NOL8: variants seen among roughly 807,000 people sequenced by gnomAD.
The protein encoded by NOL8 is nucleolar protein 8, also known as nucleolar protein Nop132.
A neutral mutation model predicts 116.1 loss-of-function variants in NOL8; 93 were observed. The ratio of observed to expected loss-of-function variants is 0.80; its 90% CI spans 0.68 to 0.95. The LOEUF (loss-of-function observed/expected upper bound fraction) is 0.95. Ranked by LOEUF, NOL8 falls within the 40% of genes least tolerant of loss-of-function variation. The pLI, the probability that NOL8 is intolerant of heterozygous loss-of-function variation, is 0.00. For synonymous variants in NOL8, 419 were observed against 469.0 expected, an observed-to-expected ratio of 0.89 and a Z score of 1.38; for missense variants, 1,291 against 1,382.8, an observed-to-expected ratio of 0.93 and a Z score of 1.05.
chr9:92,323,294 TATACG>T, intron 3 of NOL8, 142 bp downstream of exon 3: 1 of 1,535,914 alleles, frequency 6.5e-7, no homozygotes, highest in Non-Finnish European at 8.7e-7. Flanking sequence ...CCTGCTGAGT[TATACG>T]ATACTGGAAT....
chr9:92,313,066 C>T (rs1157350800), intron 7 of NOL8, among the ~76,000 whole-genome samples: 1 of 151,946 alleles, frequency 6.6e-6, no homozygotes, highest in African/African-American at 2.4e-5. Flanking sequence ...CCTGCCAAGT[C>T]TACTTCCTGC....
intron 4 of NOL8, among the ~76,000 whole-genome samples, chr9:92,320,978 C>T (rs1839879457): frequency 6.6e-6 from 1 of 152,182 alleles, no homozygotes; most frequent in Non-Finnish European, 1.5e-5. Flanking sequence ...CCTGAAAATA[C>T]CTTTAGGATT....
chr9:92,308,314 A>G (rs1457246342), intron 10 of NOL8, among the ~76,000 whole-genome samples: 2 of 152,206 alleles, frequency 1.3e-5, no homozygotes, highest in Non-Finnish European at 2.9e-5. Context: ...GTAAGCTATG[A>G]CTGTGCCACT....
intron 2 of NOL8, among the ~76,000 whole-genome samples, 189 bp downstream of exon 2, chr9:92,323,834 G>C (rs1840153900): frequency 6.6e-6 from 1 of 152,184 alleles, no homozygotes; most frequent in Non-Finnish European, 1.5e-5. Flanking sequence ...AGATGTTTTA[G>C]AATTTGGAAT....
chr9:92,318,372 C>T (rs140206532), intron 6 of NOL8, among the ~76,000 whole-genome samples: 60 of 152,314 alleles, frequency 3.9e-4, no homozygotes, highest in African/African-American at 1.4e-3. Context: ...CCATGTATGA[C>T]AATATGAATA....
chr9:92,305,224 GGA>G (rs1302796906), intron 12 of NOL8, among the ~76,000 whole-genome samples: 3 of 152,108 alleles, frequency 2.0e-5, no homozygotes, highest in African/African-American at 2.4e-5. Flanking sequence ...GGCACAAAGA[GGA>G]GAGACAGAAA....
chr9:92,306,333 G>T (rs1321310647), intron 11 of NOL8, among the ~76,000 whole-genome samples: 5 of 152,096 alleles, frequency 3.3e-5, no homozygotes, highest in Non-Finnish European at 5.9e-5. Context: ...AGATTTCCTG[G>T]ATTTTTTTAG....
At chr9:92,310,023 AGT>A in intron 10 of NOL8, 146 bp downstream of exon 10, 1 of 590,674 alleles carries the variant, frequency 1.7e-6, no homozygotes, top group East Asian at 2.9e-5. Flanking sequence ...AAACAAACTT[AGT>A]ATTAACTGTA....
At chr9:92,323,686 A>C (rs1259362851) in intron 2 of NOL8, among the ~76,000 whole-genome samples, 183 bp from the exon 3 acceptor site, 1 of 152,184 alleles carries the variant, frequency 6.6e-6, no homozygotes, top group Non-Finnish European at 1.5e-5. Flanking sequence ...ATTCCAAAAA[A>C]AAAAAGAAGA....
At chr9:92,305,878 T>A (rs761876786) in intron 11 of NOL8, 48 bp from the exon 12 acceptor site, 1 of 1,307,646 alleles carries the variant, frequency 7.6e-7, no homozygotes, top group Non-Finnish European at 1.1e-6. Context: ...AACAGAACAC[T>A]AATACAAAAA....
Position 92,311,227 on chromosome 9 carries a change from G to A in NOL8, c.2391C>T (p.Ile797=). 1 of 1,613,836 alleles carries A rather than the reference G, an allele frequency of 6.2e-7. No individual in the cohort carries two copies. Among genetic ancestry groups the A allele is most frequent in the Non-Finnish European group, 8.5e-7 (1 of 1,179,814 alleles). The change falls in exon 8 of 17, where the codon ATC becomes ATT. Residue 797 remains isoleucine (I), a synonymous_variant. Coordinates refer to ENST00000442668, the MANE Select transcript of NOL8 (RefSeq NM_017948.6). ...DGHPEDKPTH[I]IFGSDSECET... is the part of the protein sequence containing the mutation. ...CACATTCACTGTCAGAACCGAAGAT[G>A]ATGTGCGTTGGCTTATCCTCTGGAT...
chr9:92,318,677 C>G lies in NOL8; in HGVS notation c.427G>C (p.Val143Leu). The change falls in exon 6 of 17, where the codon GTG (valine) becomes CTG (leucine). Residue 143 changes from valine (V) to leucine (L), a missense_variant. Transcript: ENST00000442668. ...GGTAAGACTCTTCCAAATTTGCTCA[C>G]AACCCAATTCTAAAAGAAAAAAAAA... ...TEVPGHKNWV[V>L]SKFGRVLPVL... 1 of 1,584,350 alleles carries G rather than the reference C, an allele frequency of 6.3e-7. No individual in the cohort carries two copies. The highest frequency in any genetic ancestry group is 8.6e-7 in the Non-Finnish European group (1 of 1,169,490).
In NOL8 at chr9:92,315,196, T is replaced by C. The variant is rs1370257600; in HGVS notation, c.1429A>G (p.Met477Val). 6.2e-7 allele frequency: 1 copy of C among 1,613,916 alleles called. No individual in the cohort carries two copies. ...TTCACACGAAGGCAGTTTTTCATCA[T>C]GGCATTATACTCCTCACCTCCTTCA... ...DSEGGEEYNAMMKNCLRVNLT... is the reference protein window; with the variant it reads ...DSEGGEEYNAVMKNCLRVNLT... The change falls in exon 7 of 17, where the codon ATG (methionine) becomes GTG (valine). Residue 477 changes from methionine to valine, a missense_variant. Transcript: ENST00000442668.
Position 92,314,738 on chromosome 9 carries a change from T to A in NOL8, c.1887A>T (p.Pro629=). ...YVNGSLGEVT[P]CQHAKKANGP... ...CATTCGCCTTCTTTGCATGTTGGCATGGAGTCACTTCACCTAATGAGCCAT... is the reference window on the plus strand; with the variant it reads ...CATTCGCCTTCTTTGCATGTTGGCAAGGAGTCACTTCACCTAATGAGCCAT... Residue 629 remains proline, a synonymous_variant, in exon 7 of 17, where the codon CCA becomes CCT. Coordinates refer to ENST00000442668, the MANE Select transcript of NOL8 (RefSeq NM_017948.6). 1.2e-6 allele frequency: 2 copies of A among 1,613,898 alleles called. No homozygotes were observed. The highest frequency in any genetic ancestry group is 1.3e-5 in the African/African-American group (1 of 75,052).
chr9:92,299,864 T>G, intron 14 of NOL8, 26 bp downstream of exon 14: 1 of 1,609,044 alleles, frequency 6.2e-7, no homozygotes, highest in East Asian at 2.2e-5. Context: ...TTATGAACTA[T>G]GCCTGCAAAG....
In NOL8 at chr9:92,321,527, T is replaced by G. The variant is rs1336388561; in HGVS notation, c.281+141A>C. ...CGTCTGGGGTGAAGGGGATTCAGAG[T>G]TGAAAGGGATTTCAGCTCTACTTAT... On this transcript the variant is annotated intron_variant, in intron 4 of 16. Coordinates refer to ENST00000442668, the MANE Select transcript of NOL8 (RefSeq NM_017948.6). 3 of 587,110 alleles carry G rather than the reference T, an allele frequency of 5.1e-6. No individual in the cohort carries two copies. In the African/African-American group the frequency reaches 6.6e-5, roughly 13 times the overall value. The allele number at this position is 587,110 out of a possible 1,614,324, so 36.4% of individuals were successfully genotyped here.
rs1308356224 is a variant in NOL8, at chr9:92,297,531, G to C, written c.*305C>G. ...TTTAAAAAGGCTTCATATAAACCTT[G>C]CATGAGAAGATGTCCATTAGTTACT... On this transcript the variant is annotated 3_prime_UTR_variant, in exon 17 of 17. Coordinates refer to ENST00000442668, the MANE Select transcript of NOL8 (RefSeq NM_017948.6). 3.5e-5 allele frequency: 9 copies of C among 260,344 alleles called. No homozygotes were observed. Among genetic ancestry groups the C allele is most frequent in the Non-Finnish European group, 5.7e-5 (8 of 139,612 alleles). The allele number at this position is 260,344 out of a possible 1,614,324, so 16.1% of individuals were successfully genotyped here.
intron 13 of NOL8, chr9:92,300,819 A>G: frequency 9.0e-7 from 1 of 1,109,322 alleles, no homozygotes; most frequent in Non-Finnish European, 1.1e-6. Flanking sequence ...GTCTCCAAAA[A>G]AAAAAAAAAA....
At chr9:92,303,566 C>T (rs1000694786) in intron 12 of NOL8, among the ~76,000 whole-genome samples, 2 of 152,094 alleles carry the variant, frequency 1.3e-5, no homozygotes, top group Non-Finnish European at 2.9e-5. Flanking sequence ...TACTATCTTG[C>T]CTGTCACAGA....
Sources: allele counts gnomAD v4.1 joint callset (sites outside exome capture counted in the v4.1 genomes callset), GRCh38; gene constraint gnomAD v4.1.1; transcripts MANE v1.5; gene names NCBI Gene and HGNC (gene_info 2026-07-23, HGNC 2026-07-21).